TMEM9B: variants seen among roughly 807,000 people sequenced by gnomAD.
TMEM9B encodes TMEM9 domain family member B, also known as transmembrane protein 9B.
TMEM9B carries 8 observed loss-of-function variants against 23.5 expected under a neutral mutation model. The ratio of observed to expected loss-of-function variants is 0.34; its 90% CI spans 0.20 to 0.61. The LOEUF is 0.61. Among genes scored for constraint, TMEM9B ranks in the 20% least tolerant of loss-of-function variants. TMEM9B has a pLI of 0.78. For missense variants in TMEM9B, 197 were observed against 252.3 expected (o/e 0.78, Z 1.49); for synonymous variants, 106 against 96.3 (o/e 1.10, Z -0.59).
intron 4 of TMEM9B, among the ~76,000 whole-genome samples, chr11:8,952,319 CGTGTGT>C (rs139281160): frequency 6.7e-6 from 1 of 148,762 alleles, no homozygotes; most frequent in African/African-American, 2.5e-5. Flanking sequence ...AATGTACACA[CGTGTGT>C]GTGTGTGTGT....
intron 3 of TMEM9B, among the ~76,000 whole-genome samples, chr11:8,954,879 G>A (rs1332855057): frequency 6.6e-5 from 10 of 152,024 alleles, no homozygotes; most frequent in Non-Finnish European, 1.2e-4. Flanking sequence ...TAGGCCAGGC[G>A]CGGTGGCTCA....
At chr11:8,961,942 T>C (rs1377579635) in intron 2 of TMEM9B, 150 bp downstream of exon 2, 26 of 552,678 alleles carry the variant, frequency 4.7e-5, no homozygotes, top group Non-Finnish European at 1.6e-5. Context: ...AGGGCCTCAC[T>C]CTCACTTTTT....
chr11:8,963,411 G>C (rs970924480), intron 1 of TMEM9B, among the ~76,000 whole-genome samples: 5 of 152,226 alleles, frequency 3.3e-5, no homozygotes, highest in Admixed American at 2.6e-4. Context: ...TGATGAGCTA[G>C]CTCATCAAAG....
At chr11:8,952,931 G>C in intron 4 of TMEM9B, 1 of 577,058 alleles carries the variant, frequency 1.7e-6, no homozygotes, top group East Asian at 2.8e-5. Flanking sequence ...TGTAAACAGG[G>C]AATGGCAATA....
intron 3 of TMEM9B, among the ~76,000 whole-genome samples, chr11:8,955,605 G>T (rs1853960127): frequency 6.6e-6 from 1 of 152,136 alleles, no homozygotes; most frequent in Non-Finnish European, 1.5e-5. Flanking sequence ...TAGAGTTCAT[G>T]CTCCTATGAG....
chr11:8,956,364 T>C (rs1378109428), intron 2 of TMEM9B, 66 bp from the exon 3 acceptor site: 4 of 1,311,706 alleles, frequency 3.0e-6, no homozygotes, highest in South Asian at 1.3e-5. Context: ...TGACCAAAAG[T>C]TTCCTGAAAT....
chr11:8,959,865 TTAAAGA>T (rs913391074), intron 2 of TMEM9B, among the ~76,000 whole-genome samples: 2 of 152,144 alleles, frequency 1.3e-5, no homozygotes, highest in African/African-American at 2.4e-5. Flanking sequence ...CAATGAAGAC[TTAAAGA>T]TAAAAACTGG....
At position 8,964,228 on chromosome 11, in the gene TMEM9B, T is replaced by C. The variant is rs1185587174; in HGVS notation, c.86A>G (p.Gln29Arg). Reference protein sequence around the residue: ...CLALSVLLLAQLSDAAKNFED... With the variant: ...CLALSVLLLARLSDAAKNFED... The stretch of plus-strand genomic sequence containing the variant: ...ACTCACCTTGGCGGCGTCTGACAGC[T>C]GCGCCAGCAGCAGCACGGAAAGCGC... The change falls in exon 1 of 5, where the codon CAG becomes CGG. Residue 29 changes from glutamine to arginine, a missense_variant. By Grantham distance (43) the Gln-to-Arg change is conservative. Transcript: ENST00000534025. 2 of 1,587,040 alleles carry C rather than the reference T, an allele frequency of 1.3e-6. No individual in the cohort carries two copies. Among genetic ancestry groups the C allele is most frequent in the East Asian group, 2.3e-5 (1 of 43,510 alleles).
chr11:8,964,280 C>G lies in TMEM9B; in HGVS notation c.34G>C (p.Gly12Arg). 2 of 1,593,672 alleles carry G rather than the reference C, an allele frequency of 1.3e-6. No individual in the cohort carries two copies. The highest frequency in any genetic ancestry group is 1.7e-6 in the Non-Finnish European group (2 of 1,171,094). The change falls in exon 1 of 5, where the codon GGC becomes CGC. Residue 12 changes from glycine to arginine, a missense_variant. Coordinates refer to ENST00000534025, the MANE Select transcript of TMEM9B (RefSeq NM_020644.3). Reference sequence around the variant, plus strand: ...AGGCACGACAGGCTGAGCAAGGAGCCAAGCCGAAGAAGGCCTCCCCACAGG... The same window carrying G: ...AGGCACGACAGGCTGAGCAAGGAGCGAAGCCGAAGAAGGCCTCCCCACAGG... Reference protein sequence around the residue: ...ATLWGGLLRLGSLLSLSCLAL... With the variant: ...ATLWGGLLRLRSLLSLSCLAL...
At chr11:8,951,926 T>G (rs9666514) in intron 4 of TMEM9B, among the ~76,000 whole-genome samples, 2 of 151,484 alleles carry the variant, frequency 1.3e-5, no homozygotes, top group African/African-American at 2.4e-5. Flanking sequence ...GCCAAAATGG[T>G]GAAACTCCGT....
chr11:8,964,290 A>G lies in TMEM9B; in HGVS notation c.24T>C (p.Leu8=). 1.3e-6 allele frequency: 2 copies of G among 1,591,010 alleles called. No homozygotes were observed. The highest frequency in any genetic ancestry group is 2.3e-5 in the South Asian group (2 of 87,618). Residue 8 remains leucine, a synonymous_variant, in exon 1 of 5, where the codon CTT becomes CTC. Transcript: ENST00000534025. ...GGCTGAGCAAGGAGCCAAGCCGAAG[A>G]AGGCCTCCCCACAGGGTCGCCATCG... MATLWGG[L]LRLGSLLSLS...
Position 8,964,379 on chromosome 11 carries a change from TCAGGCTCAGGCTCAGGCA to T in TMEM9B, c.-84_-67del, listed in dbSNP as rs1420412836. On this transcript the variant is annotated 5_prime_UTR_variant, in exon 1 of 5. Coordinates refer to ENST00000534025, the MANE Select transcript of TMEM9B (RefSeq NM_020644.3). ...ACCGGCTCCCGGCTCGGGCTCAGGC[TCAGGCTCAGGCTCAGGCA>T]CAGGCTTGGGACCCGGCTGGGGATC... 6.6e-7 allele frequency: 1 copy of T among 1,506,900 alleles called. No individual in the cohort carries two copies. The highest frequency in any genetic ancestry group is 1.5e-5 in the African/African-American group (1 of 66,710). The allele number at this position is 1,506,900 out of a possible 1,614,324, so 93.3% of individuals were successfully genotyped here.
intron 4 of TMEM9B, among the ~76,000 whole-genome samples, chr11:8,952,249 T>C (rs578242684): frequency 0.03 from 3,631 of 122,674 alleles, 115 homozygotes; most frequent in Admixed American, 0.1. Flanking sequence ...GCCAACTATA[T>C]ACACACACAC....
chr11:8,953,598 A>G (rs1461148301), intron 3 of TMEM9B, among the ~76,000 whole-genome samples: 2 of 152,238 alleles, frequency 1.3e-5, no homozygotes, highest in African/African-American at 4.8e-5. Context: ...CTGCTAGCAC[A>G]GCAGTTTGTT....
intron 1 of TMEM9B, among the ~76,000 whole-genome samples, chr11:8,963,469 G>A (rs148401688): frequency 6.6e-6 from 1 of 152,338 alleles, no homozygotes; most frequent in East Asian, 1.9e-4. Context: ...GAGAGCTGGG[G>A]CACCAGAGAA....
rs1253912567 is a variant in TMEM9B, at chr11:8,957,841, C to T, written c.198-1543G>A. Among the ~76,000 whole-genome samples the T allele has an allele frequency of 2.0e-5, 3 of 152,156 alleles. No individual in the cohort carries two copies. Among genetic ancestry groups the T allele is most frequent in the Admixed American group, 6.6e-5 (1 of 15,266 alleles). On this transcript the variant is annotated intron_variant, in intron 2 of 4. Coordinates refer to ENST00000534025, the MANE Select transcript of TMEM9B (RefSeq NM_020644.3). This position sits in a 1 kb window ranked among gnomAD's most constrained non-coding sequence, Gnocchi z 4.3. ...AACATCACTATGTATCCCATAAATACGTACAGTTATTGTGTCAATTAAAAA... is the reference window on the plus strand; with the variant it reads ...AACATCACTATGTATCCCATAAATATGTACAGTTATTGTGTCAATTAAAAA...
At chr11:8,963,173 G>C (rs1854111802) in intron 1 of TMEM9B, among the ~76,000 whole-genome samples, 1 of 152,160 alleles carries the variant, frequency 6.6e-6, no homozygotes, top group African/African-American at 2.4e-5. Context: ...ATATGCAGAG[G>C]GTGCCAGCAA....
At position 8,964,261 on chromosome 11, in the gene TMEM9B, G is replaced by C; in HGVS notation, c.53C>G (p.Ser18Trp). 1 of 1,596,934 alleles carries C rather than the reference G, an allele frequency of 6.3e-7. No homozygotes were observed. The highest frequency in any genetic ancestry group is 8.5e-7 in the Non-Finnish European group (1 of 1,172,638). The change falls in exon 1 of 5, where the codon TCG (serine) becomes TGG (tryptophan). Residue 18 changes from serine to tryptophan, a missense_variant. Ser to Trp is a radical substitution (Grantham distance 177). Coordinates refer to ENST00000534025, the MANE Select transcript of TMEM9B (RefSeq NM_020644.3). ...LLRLGSLLSLSCLALSVLLLA... is the reference protein window; with the variant it reads ...LLRLGSLLSLWCLALSVLLLA... Reference sequence around the variant, plus strand: ...CAGCAGCACGGAAAGCGCCAGGCACGACAGGCTGAGCAAGGAGCCAAGCCG... The same window carrying C: ...CAGCAGCACGGAAAGCGCCAGGCACCACAGGCTGAGCAAGGAGCCAAGCCG...
intron 4 of TMEM9B, among the ~76,000 whole-genome samples, chr11:8,952,115 C>CA (rs942881637): frequency 3.8e-4 from 58 of 151,276 alleles, no homozygotes; most frequent in Non-Finnish European, 6.8e-4. Context: ...TCTCAAAAAA[C>CA]AAAAAAAACA....
Sources: allele counts gnomAD v4.1 joint callset (sites outside exome capture counted in the v4.1 genomes callset), GRCh38; gene constraint gnomAD v4.1.1; non-coding constraint Gnocchi (gnomAD v3.1); transcripts MANE v1.5; gene names NCBI Gene and HGNC (gene_info 2026-07-23, HGNC 2026-07-21).